Variants in PDE4B observed in about 807,000 individuals in gnomAD.
The protein encoded by PDE4B is 3',5'-cyclic-AMP phosphodiesterase 4B.
A neutral mutation model predicts 82.2 loss-of-function variants in PDE4B; 20 were observed. That is an observed-to-expected ratio of 0.24 (90% CI 0.17 to 0.35). The LOEUF (loss-of-function observed/expected upper bound fraction) is 0.35, where lower values mean the gene tolerates loss of function less well. PDE4B is among the 10% of genes least tolerant of loss of function. The pLI is 1.00. For missense variants in PDE4B, 655 were observed against 907.2 expected (o/e 0.72, Z 3.57); for synonymous variants, 320 against 318.9 (o/e 1.00, Z -0.04).
intron 1 of PDE4B, among the ~76,000 whole-genome samples, chr1:65,793,943 C>A (rs1330131085): frequency 1.3e-5 from 2 of 152,156 alleles, no homozygotes; most frequent in Non-Finnish European, 2.9e-5. Context: ...CTTCCTTGTG[C>A]GGTACTTCAA....
At chr1:66,263,134 A>G (rs577845541) in intron 6 of PDE4B, among the ~76,000 whole-genome samples, 3 of 152,364 alleles carry the variant, frequency 2.0e-5, no homozygotes, top group Non-Finnish European at 4.4e-5. Flanking sequence ...ATCATTGCTT[A>G]AATTTCTCAT....
chr1:66,332,288 G>T, intron 7 of PDE4B: 4 of 1,516,212 alleles, frequency 2.6e-6, no homozygotes, highest in Non-Finnish European at 3.5e-6. Flanking sequence ...ATCCAGGCGG[G>T]GGGTTGGGGG....
intron 1 of PDE4B, among the ~76,000 whole-genome samples, chr1:65,840,390 T>C (rs1256921769): frequency 2.0e-5 from 3 of 152,108 alleles, no homozygotes; most frequent in Non-Finnish European, 4.4e-5. Context: ...TAATACCAAA[T>C]TGGATTTAAA....
intron 3 of PDE4B, among the ~76,000 whole-genome samples, chr1:66,007,961 A>G (rs189368474): frequency 6.6e-6 from 1 of 152,182 alleles, no homozygotes; most frequent in Admixed American, 6.6e-5. Context: ...GACAAGGTCC[A>G]TAGATACAGA....
chr1:66,011,184 TTA>T (rs956999060), intron 3 of PDE4B, among the ~76,000 whole-genome samples: 3 of 150,888 alleles, frequency 2.0e-5, no homozygotes, highest in African/African-American at 7.3e-5. Flanking sequence ...GCATTTGTTT[TTA>T]TGTTTTTTTG....
chr1:66,155,433 G>C (rs1029398142), intron 3 of PDE4B, among the ~76,000 whole-genome samples: 2 of 151,976 alleles, frequency 1.3e-5, no homozygotes, highest in African/African-American at 2.4e-5. Context: ...ATGCCTCCAC[G>C]TAGATACCCC....
At chr1:66,346,873 A>C (rs1400478777) in intron 8 of PDE4B, among the ~76,000 whole-genome samples, 1 of 152,190 alleles carries the variant, frequency 6.6e-6, no homozygotes, top group Non-Finnish European at 1.5e-5. Flanking sequence ...ACACCTTGGC[A>C]GCCACTTCAC....
At chr1:66,356,883 G>A (rs1662291255) in intron 9 of PDE4B, among the ~76,000 whole-genome samples, 1 of 152,194 alleles carries the variant, frequency 6.6e-6, no homozygotes, top group African/African-American at 2.4e-5. Context: ...AGAGAACAAA[G>A]GAGAAGAATT....
intron 7 of PDE4B, among the ~76,000 whole-genome samples, chr1:66,309,824 G>T (rs927475888): frequency 8.5e-5 from 13 of 152,130 alleles, no homozygotes; most frequent in Non-Finnish European, 1.9e-4. Flanking sequence ...CCAATAAATA[G>T]TGTCGGTTAC....
intron 3 of PDE4B, among the ~76,000 whole-genome samples, chr1:66,193,210 T>G (rs1428523971): frequency 6.6e-6 from 1 of 152,202 alleles, no homozygotes; most frequent in Non-Finnish European, 1.5e-5. Context: ...CATCTGGATA[T>G]ATTTTGAAAC....
intron 3 of PDE4B, among the ~76,000 whole-genome samples, chr1:66,056,532 CATCT>C (rs5774791): frequency 0.77 from 99,186 of 129,294 alleles, 36,781 homozygotes; most frequent in Non-Finnish European, 0.79. Flanking sequence ...ATCTATCTAT[CATCT>C]ATCTATCTAT....
intron 3 of PDE4B, among the ~76,000 whole-genome samples, chr1:65,935,758 A>G (rs2100531267): frequency 6.6e-6 from 1 of 152,272 alleles, no homozygotes; most frequent in South Asian, 2.1e-4. Flanking sequence ...CCCGACCAAT[A>G]TGGAGAAACC....
chr1:66,226,440 A>G (rs1431325963), intron 3 of PDE4B, among the ~76,000 whole-genome samples: 1 of 152,252 alleles, frequency 6.6e-6, no homozygotes, highest in Non-Finnish European at 1.5e-5. Flanking sequence ...TGTGGTGTGA[A>G]AAGTGTGCAG....
intron 1 of PDE4B, among the ~76,000 whole-genome samples, chr1:65,810,363 C>A (rs1347297407): frequency 6.6e-6 from 1 of 152,160 alleles, no homozygotes; most frequent in Non-Finnish European, 1.5e-5. Flanking sequence ...TCATTTAATT[C>A]CTACTATTAC....
At chr1:66,246,988 T>C (rs1653363316) in intron 3 of PDE4B, among the ~76,000 whole-genome samples, 1 of 152,226 alleles carries the variant, frequency 6.6e-6, no homozygotes, top group East Asian at 1.9e-4. Flanking sequence ...GTATATTTAA[T>C]GAGACTGTGA....
chr1:66,145,527 A>G (rs1213368756), intron 3 of PDE4B, among the ~76,000 whole-genome samples: 1 of 152,194 alleles, frequency 6.6e-6, no homozygotes, highest in African/African-American at 2.4e-5. Flanking sequence ...GGGCTCCAAA[A>G]GCCAAAACAT....
At chr1:65,963,826 A>G (rs1266095501) in intron 3 of PDE4B, among the ~76,000 whole-genome samples, 1 of 152,158 alleles carries the variant, frequency 6.6e-6, no homozygotes, top group African/African-American at 2.4e-5. Flanking sequence ...TTAGAAACAA[A>G]CTGGTTACCC....
chr1:66,091,995 A>T (rs77767099), intron 3 of PDE4B, among the ~76,000 whole-genome samples: 1,633 of 152,178 alleles, frequency 0.011, 36 homozygotes, highest in African/African-American at 0.038. Context: ...TTTGTGCAAC[A>T]TCGGCTATTC....
At chr1:66,271,648 T>A (rs1312822151) in intron 7 of PDE4B, among the ~76,000 whole-genome samples, 3 of 152,186 alleles carry the variant, frequency 2.0e-5, no homozygotes, top group Admixed American at 2.0e-4. Context: ...TTCCGGCCTT[T>A]CTTTCTCTTT....
Sources: gnomAD v4.1 joint callset for allele counts (sites outside exome capture counted in the v4.1 genomes callset) on GRCh38, gnomAD v4.1.1 for gene constraint, MANE v1.5 for transcripts, NCBI Gene and HGNC (gene_info 2026-07-23, HGNC 2026-07-21) for gene names.